RIN2: variants seen among roughly 807,000 people sequenced by gnomAD.
RIN2 encodes the protein Ras and Rab interactor 2, also known as RAB5 interacting protein 2.
RIN2 carries 36 observed loss-of-function variants against 78.0 expected under a neutral mutation model. The ratio of observed to expected loss-of-function variants is 0.46; its 90% CI spans 0.35 to 0.61. The LOEUF (loss-of-function observed/expected upper bound fraction) is 0.61. Among genes scored for constraint, RIN2 ranks in the 20% least tolerant of loss-of-function variants. The pLI is 0.00. For synonymous variants in RIN2, 466 were observed against 466.8 expected (o/e 1.00, Z 0.02); for missense variants, 1,087 against 1,159.7 (o/e 0.94, Z 0.91).
intron 11 of RIN2, among the ~76,000 whole-genome samples, chr20:19,992,678 C>T (rs1181858550): frequency 2.6e-5 from 4 of 152,098 alleles, no homozygotes; most frequent in Non-Finnish European, 5.9e-5. Flanking sequence ...CTTAACTATA[C>T]TTCACTAAGA....
chr20:19,923,488 T>TAAAATAAAATAAATAAAATAAAATAAA (rs1298455817), intron 3 of RIN2, among the ~76,000 whole-genome samples: 89 of 141,684 alleles, frequency 6.3e-4, no homozygotes, highest in African/African-American at 2.3e-3. Flanking sequence ...TAAAATAAAA[T>TAAAATAAAATAAATAAAATAAAATAAA]AAATATTGGC....
intron 2 of RIN2, among the ~76,000 whole-genome samples, chr20:19,825,008 G>A (rs985984913): frequency 6.6e-6 from 1 of 152,180 alleles, no homozygotes; most frequent in African/African-American, 2.4e-5. Flanking sequence ...CATACTGACT[G>A]GCACCAAAGC....
chr20:19,810,738 G>A (rs1288392907), intron 2 of RIN2, among the ~76,000 whole-genome samples: 1 of 130,784 alleles, frequency 7.6e-6, no homozygotes, highest in Non-Finnish European at 1.6e-5. Flanking sequence ...GTCTCGCCCA[G>A]GCTAGAGTGC....
intron 1 of RIN2, among the ~76,000 whole-genome samples, chr20:19,770,473 A>G (rs2034068101): frequency 6.6e-6 from 1 of 152,142 alleles, no homozygotes; most frequent in Non-Finnish European, 1.5e-5. Context: ...CCAATGAGCC[A>G]TTTTAACAGA....
In RIN2 at chr20:20,002,099, T is replaced by C. The variant is rs2043155513; in HGVS notation, c.*1163T>C. 2 of 152,272 alleles carry C rather than the reference T, an allele frequency of 1.3e-5. No homozygotes were observed. The highest frequency in any genetic ancestry group is 4.1e-4 in the South Asian group (2 of 4,836). 9.4% of individuals were successfully genotyped at this position (152,272 alleles called of 1,614,324 possible). On this transcript the variant is annotated 3_prime_UTR_variant, in exon 13 of 13. Coordinates refer to ENST00000255006, the MANE Select transcript of RIN2 (RefSeq NM_018993.4). ...TTTTGTTGAGTTAAATAAGATGCTA[T>C]ATAATGGAGAAGAATTTGAAAATGC...
intron 1 of RIN2, among the ~76,000 whole-genome samples, chr20:19,765,902 G>A (rs1243269057): frequency 1.3e-5 from 2 of 151,972 alleles, no homozygotes; most frequent in Non-Finnish European, 2.9e-5. Flanking sequence ...TTCATGGCTT[G>A]TGAGAAAAGG....
rs1393825897 is a variant in RIN2 at position 20,002,054 on chromosome 20, C to T, written c.*1118C>T. ...GCATCAAATTATTGGGACCAGAAAC[C>T]AAGTAATGTATAATGTGGCTTTTGT... On this transcript the variant is annotated 3_prime_UTR_variant, in exon 13 of 13. Transcript: ENST00000255006. 1 of 152,302 alleles carries T rather than the reference C, an allele frequency of 6.6e-6. No individual in the cohort carries two copies. Among genetic ancestry groups the T allele is most frequent in the Non-Finnish European group, 1.5e-5 (1 of 68,016 alleles). The allele number at this position is 152,302 out of a possible 1,614,324, so 9.4% of individuals were successfully genotyped here. A position where few individuals can be genotyped will look rare whatever the true frequency, so the allele number is the denominator to read the frequency against.
At chr20:19,804,519 A>G (rs916840908) in intron 2 of RIN2, among the ~76,000 whole-genome samples, 1 of 152,176 alleles carries the variant, frequency 6.6e-6, no homozygotes, top group African/African-American at 2.4e-5. Flanking sequence ...TGCATATATC[A>G]AACCAGCCTT....
At chr20:19,850,293 CACGGGGGAGGGG>C (rs1257190722) in intron 2 of RIN2, among the ~76,000 whole-genome samples, 36 of 152,258 alleles carry the variant, frequency 2.4e-4, no homozygotes, top group African/African-American at 7.9e-4. Flanking sequence ...CCCTGGAGGA[CACGGGGGAGGGG>C]TGGGTTCAGC....
At chr20:19,857,236 C>T (rs140058405) in intron 2 of RIN2, among the ~76,000 whole-genome samples, 38 of 152,206 alleles carry the variant, frequency 2.5e-4, no homozygotes, top group African/African-American at 9.2e-4. Flanking sequence ...ATGTATACAC[C>T]TTTGTGACTG....
chr20:19,958,396 C>G (rs2041624174), intron 5 of RIN2, among the ~76,000 whole-genome samples: 1 of 152,266 alleles, frequency 6.6e-6, no homozygotes, highest in African/African-American at 2.4e-5. Flanking sequence ...CAACAGCCTG[C>G]CCAGCTCCCC....
intron 1 of RIN2, among the ~76,000 whole-genome samples, chr20:19,764,918 G>GTC (rs1274106795): frequency 2.0e-5 from 1 of 50,362 alleles, no homozygotes; most frequent in African/African-American, 6.5e-5. Context: ...CACTTTCTGC[G>GTC]TTTTTTTTTT....
At chr20:19,901,497 C>T (rs4814923) in intron 3 of RIN2, among the ~76,000 whole-genome samples, 74,872 of 151,878 alleles carry the variant, frequency 0.49, 18,845 homozygotes, top group African/African-American at 0.61. Flanking sequence ...CAGTGTGCTA[C>T]GATTGAGGGG....
At chr20:19,823,978 C>T in intron 2 of RIN2, 4 of 1,323,750 alleles carry the variant, frequency 3.0e-6, no homozygotes, top group Non-Finnish European at 4.2e-6. Flanking sequence ...AACCCGGATT[C>T]AGGACGACCG....
intron 1 of RIN2, among the ~76,000 whole-genome samples, chr20:19,774,732 T>C (rs2034253746): frequency 6.6e-6 from 1 of 152,196 alleles, no homozygotes; most frequent in Non-Finnish European, 1.5e-5. Flanking sequence ...AAGCCATTGT[T>C]CTCTCTTGTG....
Position 19,788,439 on chromosome 20 carries a change from A to AAAAAAAAAAAAAAAAAAAAACC in RIN2, c.-162-11173_-162-11172insAAAAAAAAAACCAAAAAAAAAA, listed in dbSNP as rs1555818733. Among the ~76,000 whole-genome samples, 266 of 132,966 alleles carry AAAAAAAAAAAAAAAAAAAAACC rather than the reference A, an allele frequency of 2.0e-3. 5 individuals carry two copies. The highest frequency in any genetic ancestry group is 5.8e-3 in the African/African-American group (178 of 30,556). 87.2% of individuals were successfully genotyped at this position (132,966 alleles called of 152,430 possible). On this transcript the variant is annotated intron_variant, in intron 1 of 12. Transcript: ENST00000255006. ...GCGAAATCCTGTCTCTGCCAAAAAA[A>AAAAAAAAAAAAAAAAAAAAACC]AAAAAAAAAACAACTAGCTAGGCAT...
chr20:19,865,479 ACTTT>A (rs1193840898), intron 2 of RIN2, among the ~76,000 whole-genome samples: 1 of 136,806 alleles, frequency 7.3e-6, no homozygotes, highest in Non-Finnish European at 1.6e-5. Flanking sequence ...TAAAAGTTAT[ACTTT>A]CTTTCTTTTT....
At chr20:19,811,769 A>C (rs1363229249) in intron 2 of RIN2, among the ~76,000 whole-genome samples, 1 of 136,620 alleles carries the variant, frequency 7.3e-6, no homozygotes, top group Non-Finnish European at 1.6e-5. Context: ...TCCTGTGCTA[A>C]TATGAAACTC....
intron 1 of RIN2, among the ~76,000 whole-genome samples, chr20:19,771,029 G>A (rs2034100482): frequency 6.6e-6 from 1 of 152,222 alleles, no homozygotes; most frequent in Non-Finnish European, 1.5e-5. Context: ...AATATTTATT[G>A]GATTATTGTA....
Sources: allele counts gnomAD v4.1 joint callset (sites outside exome capture counted in the v4.1 genomes callset), GRCh38; gene constraint gnomAD v4.1.1; transcripts MANE v1.5; gene names NCBI Gene and HGNC (gene_info 2026-07-23, HGNC 2026-07-21).